The following RAB3IP variants were observed in gnomAD, a reference collection of about 807,000 sequenced individuals.
RAB3IP encodes the protein rab-3A-interacting protein.
Under a neutral mutation model 59.1 loss-of-function variants are expected in RAB3IP, and 36 were observed. The ratio of observed to expected loss-of-function variants is 0.61; its 90% CI spans 0.47 to 0.80. The LOEUF (loss-of-function observed/expected upper bound fraction) is 0.80. Ranked by LOEUF, RAB3IP falls within the 30% of genes least tolerant of loss-of-function variation. RAB3IP has a pLI of 0.00. For missense variants in RAB3IP, 511 were observed against 536.0 expected, an observed-to-expected ratio of 0.95 and a Z score of 0.46; for synonymous variants, 207 against 191.2, an observed-to-expected ratio of 1.08 and a Z score of -0.68.
chr12:69,805,081 T>C (rs990033773), intron 8 of RAB3IP, among the ~76,000 whole-genome samples: 18 of 152,354 alleles, frequency 1.2e-4, no homozygotes, highest in African/African-American at 4.3e-4. Flanking sequence ...ATAAATTACC[T>C]TGGGCAGTAT....
chr12:69,789,464 CAAAA>C (rs952975660), intron 4 of RAB3IP, among the ~76,000 whole-genome samples: 6 of 151,900 alleles, frequency 3.9e-5, no homozygotes, highest in African/African-American at 1.4e-4. Flanking sequence ...GAAGTAGAAA[CAAAA>C]AAGCCCAAGA....
chr12:69,752,535 T>G (rs1202208863), intron 1 of RAB3IP, among the ~76,000 whole-genome samples: 1 of 152,154 alleles, frequency 6.6e-6, no homozygotes, highest in Non-Finnish European at 1.5e-5. Flanking sequence ...GCTGTTGTCA[T>G]GTTGCCAGTT....
At chr12:69,757,945 C>CT (rs996580945) in intron 3 of RAB3IP, among the ~76,000 whole-genome samples, 1 of 152,146 alleles carries the variant, frequency 6.6e-6, no homozygotes, top group African/African-American at 2.4e-5. Context: ...TTTGAAATCT[C>CT]TAATATGCTG....
At chr12:69,759,089 A>T (rs1342880752) in intron 3 of RAB3IP, among the ~76,000 whole-genome samples, 1 of 150,050 alleles carries the variant, frequency 6.7e-6, no homozygotes, top group Non-Finnish European at 1.5e-5. Flanking sequence ...CAGATAAACA[A>T]GTGAACAAAG....
intron 3 of RAB3IP, 66 bp from the exon 4 acceptor site, chr12:69,784,654 T>C: frequency 1.2e-6 from 1 of 823,082 alleles, no homozygotes; most frequent in Non-Finnish European, 1.9e-6. Flanking sequence ...TAGTAAAGAT[T>C]ATATAGTCTG....
At chr12:69,739,118 A>T (rs1313331169) in intron 1 of RAB3IP, 87 bp downstream of exon 1, 2 of 151,906 alleles carry the variant, frequency 1.3e-5, no homozygotes, top group East Asian at 1.9e-4. Flanking sequence ...CGAGTCGGCC[A>T]GGAGGGGCGG....
At chr12:69,749,526 G>C (rs1868890779) in intron 1 of RAB3IP, among the ~76,000 whole-genome samples, 1 of 152,196 alleles carries the variant, frequency 6.6e-6, no homozygotes, top group African/African-American at 2.4e-5. Context: ...GATTGTCTCA[G>C]TAATTTGACA....
chr12:69,784,321 A>T (rs1592549088), intron 3 of RAB3IP, among the ~76,000 whole-genome samples: 1 of 151,876 alleles, frequency 6.6e-6, no homozygotes, highest in Non-Finnish European at 1.5e-5. Context: ...AAGTAAACAT[A>T]AAAAAAGTGT....
chr12:69,773,083 T>A (rs556358254), intron 3 of RAB3IP, among the ~76,000 whole-genome samples: 3 of 152,176 alleles, frequency 2.0e-5, no homozygotes, highest in African/African-American at 7.2e-5. Flanking sequence ...TGTTTTTGTT[T>A]GTTTTTTCCT....
In RAB3IP at chr12:69,812,872, T is replaced by TA; in HGVS notation, c.1226dup (p.Tyr409Ter). The TA allele has an allele frequency of 6.2e-7, 1 of 1,610,178 alleles. No homozygotes were observed. Among genetic ancestry groups the TA allele is most frequent in the Non-Finnish European group, 8.5e-7 (1 of 1,176,422 alleles). Residue 409 changes from tyrosine (Y) to a stop codon, truncating the protein, a stop_gained and frameshift_variant, in exon 9 of 11, where the codon TAC becomes TAAC. Transcript: ENST00000247833. LOFTEE classifies it high-confidence loss of function. ...NYYYISPFCR[Y>*]RITSVCNFFT... is the part of the protein sequence containing the mutation. ...TTATTATATTTCTCCTTTTTGCAGA[T>TA]ACAGGGTAAGTGACTTAACCATGAA...
At chr12:69,784,899 AT>A (rs761660966) in intron 4 of RAB3IP, 84 bp downstream of exon 4, 2 of 761,044 alleles carry the variant, frequency 2.6e-6, no homozygotes, top group South Asian at 1.7e-5. Flanking sequence ...ATCTTGAAAA[AT>A]ATTTGCTTAG....
chr12:69,747,369 A>C (rs544358706), intron 1 of RAB3IP, among the ~76,000 whole-genome samples: 6 of 150,186 alleles, frequency 4.0e-5, no homozygotes, highest in Non-Finnish European at 7.4e-5. Flanking sequence ...TCTGTTGCTC[A>C]GGCTGGAGTG....
intron 1 of RAB3IP, among the ~76,000 whole-genome samples, chr12:69,742,603 G>A (rs956724786): frequency 8.5e-5 from 13 of 152,056 alleles, no homozygotes; most frequent in African/African-American, 3.1e-4. Flanking sequence ...CTTTAACATC[G>A]GGCCAGGTAA....
intron 4 of RAB3IP, among the ~76,000 whole-genome samples, chr12:69,790,440 T>C (rs1002895795): frequency 2.6e-5 from 4 of 152,146 alleles, no homozygotes; most frequent in Admixed American, 6.6e-5. Flanking sequence ...TTTGTGTTCA[T>C]TGGTTGGAAG....
chr12:69,806,570 G>GTTTTTTTTTTTTTTTTTTTTTTTTAT, intron 8 of RAB3IP, among the ~76,000 whole-genome samples: 1 of 68,488 alleles, frequency 1.5e-5, no homozygotes, highest in Non-Finnish European at 2.7e-5. Context: ...TGCTTCTCTA[G>GTTTTTTTTTTTTTTTTTTTTTTTTAT]TTTTTTTTTT....
intron 1 of RAB3IP, among the ~76,000 whole-genome samples, chr12:69,752,647 G>A (rs1869524723): frequency 6.6e-6 from 1 of 152,076 alleles, no homozygotes; most frequent in African/African-American, 2.4e-5. Context: ...GTACTATTTT[G>A]TATTTCCAGA....
At chr12:69,754,763 A>G (rs1158771035) in intron 1 of RAB3IP, among the ~76,000 whole-genome samples, 1 of 152,202 alleles carries the variant, frequency 6.6e-6, no homozygotes, top group East Asian at 1.9e-4. Flanking sequence ...TGTTAAAAAA[A>G]TTGTTTTAAG....
intron 6 of RAB3IP, 75 bp from the exon 7 acceptor site, chr12:69,800,134 G>T (rs1878147401): frequency 3.4e-6 from 4 of 1,181,446 alleles, no homozygotes; most frequent in Non-Finnish European, 4.5e-6. Context: ...GTTTAAATTA[G>T]TTTTGGTTTT....
At chr12:69,744,675 G>C (rs927355583) in intron 1 of RAB3IP, among the ~76,000 whole-genome samples, 5 of 136,734 alleles carry the variant, frequency 3.7e-5, no homozygotes, top group Middle Eastern at 3.8e-3. Flanking sequence ...CTGGGCGACA[G>C]AGCGAGACTG....
Sources: allele counts gnomAD v4.1 joint callset (sites outside exome capture counted in the v4.1 genomes callset), GRCh38; gene constraint gnomAD v4.1.1; transcripts MANE v1.5; gene names NCBI Gene and HGNC (gene_info 2026-07-23, HGNC 2026-07-21).